The following DPP6 variants were observed in gnomAD, a reference collection of about 807,000 sequenced individuals.
The protein encoded by DPP6 is dipeptidyl peptidase like 6, also known as A-type potassium channel modulatory protein DPP6.
DPP6 carries 69 observed loss-of-function variants against 122.6 expected under a neutral mutation model. That is an observed-to-expected ratio of 0.56 (90% CI 0.46 to 0.69). The LOEUF (loss-of-function observed/expected upper bound fraction) is 0.69. DPP6 is among the 30% of genes least tolerant of loss of function. The pLI is 0.00. For missense variants in DPP6, 928 were observed against 1,116.9 expected (o/e 0.83, Z 2.41); for synonymous variants, 418 against 433.1 (o/e 0.97, Z 0.43).
At chr7:154,049,651 G>C (rs908904935), upstream of DPP6, among the ~76,000 whole-genome samples, 5 of 143,624 alleles carry the variant, frequency 3.5e-5, no homozygotes, top group African/African-American at 1.3e-4. Context: ...GCAGTGGCGC[G>C]ATCTCGGCTC....
At chr7:153,781,369 A>G in the DPP6 span, among the ~76,000 whole-genome samples, 2 of 152,206 alleles carry the variant, frequency 1.3e-5, no homozygotes, top group African/African-American at 4.8e-5. Context: ...TACGCAGAGC[A>G]GTTGCAGCAT....
At chr7:154,322,155 G>C (rs1375321634) in intron 1 of DPP6, among the ~76,000 whole-genome samples, 1 of 151,730 alleles carries the variant, frequency 6.6e-6, no homozygotes, top group East Asian at 2.0e-4. Context: ...GCCAGCCCTG[G>C]CTAAAGTTAT....
rs1289069589 is a variant in DPP6 at position 154,868,059 on chromosome 7, A to G, written c.1779A>G (p.Lys593=). Reference sequence around the variant, plus strand: ...CCATAAATGACCGACAGATGCCTAAAGTGGAATACAGGGACATTGAGATTG... The same window carrying G: ...CCATAAATGACCGACAGATGCCTAAGGTGGAATACAGGGACATTGAGATTG... ...KKAINDRQMP[K]VEYRDIEIDD... The change falls in exon 18 of 26, where the codon AAA becomes AAG. Residue 593 remains lysine, a synonymous_variant. Coordinates refer to ENST00000377770, the MANE Select transcript of DPP6 (RefSeq NM_130797.4). The G allele has an allele frequency of 1.2e-6, 2 of 1,609,230 alleles. No homozygotes were observed. The highest frequency in any genetic ancestry group is 1.7e-6 in the Non-Finnish European group (2 of 1,177,888).
intron 1 of DPP6, among the ~76,000 whole-genome samples, chr7:153,980,014 G>T (rs12533135): frequency 6.6e-6 from 1 of 152,046 alleles, no homozygotes; most frequent in Non-Finnish European, 1.5e-5. Flanking sequence ...TTCTTTTTTA[G>T]TTGTGTCTCT....
At chr7:154,705,512 G>A (rs1435907001) in intron 7 of DPP6, among the ~76,000 whole-genome samples, 3 of 152,216 alleles carry the variant, frequency 2.0e-5, no homozygotes, top group African/African-American at 7.2e-5. Context: ...AGGACCCAGA[G>A]GCAAGAAGCA....
intron 1 of DPP6, among the ~76,000 whole-genome samples, chr7:154,253,612 G>A (rs1802485049): frequency 6.6e-6 from 1 of 152,044 alleles, no homozygotes; most frequent in Non-Finnish European, 1.5e-5. Context: ...AACTTATATG[G>A]TATAAACCAT....
chr7:154,242,346 G>A lies in DPP6; in HGVS notation c.243+189283G>A, dbSNP rs77404165. Among the ~76,000 whole-genome samples the A allele has an allele frequency of 5.4e-3, 821 of 152,058 alleles. 5 individuals carry two copies. Among genetic ancestry groups the A allele is most frequent in the African/African-American group, 0.019 (787 of 41,510 alleles). On this transcript the variant is annotated intron_variant, in intron 1 of 25. Transcript: ENST00000377770. ...GATCAACTGACAGACTTTGTAGAAT[G>A]TAATCTCTGGTAACACTGACTTTAA...
intron 1 of DPP6, among the ~76,000 whole-genome samples, chr7:154,284,721 G>A (rs560237435): frequency 1.3e-5 from 2 of 152,168 alleles, no homozygotes; most frequent in Non-Finnish European, 2.9e-5. Flanking sequence ...CGGGCGTGGT[G>A]GTGTGCACCT....
At chr7:154,810,866 G>A (rs1172495863) in intron 16 of DPP6, among the ~76,000 whole-genome samples, 1 of 152,192 alleles carries the variant, frequency 6.6e-6, no homozygotes, top group African/African-American at 2.4e-5. Flanking sequence ...TCCTGCCAAT[G>A]CCTGGATCCC....
Position 154,623,641 on chromosome 7 carries a change from ACG to A in DPP6, c.628-14176_628-14175del, listed in dbSNP as rs1563025716. Among the ~76,000 whole-genome samples the A allele has an allele frequency of 3.3e-3, 309 of 93,400 alleles. 2 individuals are homozygous for A. The highest frequency in any genetic ancestry group is 9.1e-3 in the African/African-American group (241 of 26,624). The allele number at this position is 93,400 out of a possible 152,430, so 61.3% of individuals were successfully genotyped here. A position where few individuals can be genotyped will look rare whatever the true frequency, so the allele number is the denominator to read the frequency against. ...TACACGCGCACACATGCGTGCACAC[ACG>A]CGCACACACGCGCACACACACGCAC... On this transcript the variant is annotated intron_variant, in intron 5 of 25. Coordinates refer to ENST00000377770, the MANE Select transcript of DPP6 (RefSeq NM_130797.4).
intron 1 of DPP6, among the ~76,000 whole-genome samples, chr7:153,893,557 T>C (rs1799292914): frequency 6.6e-6 from 1 of 152,242 alleles, no homozygotes; most frequent in African/African-American, 2.4e-5. Flanking sequence ...CAAGTCCTAA[T>C]ACATCAGGTA....
At chr7:154,802,836 CAAAAA>C (rs537624311) in intron 13 of DPP6, among the ~76,000 whole-genome samples, 2 of 110,910 alleles carry the variant, frequency 1.8e-5, no homozygotes, top group Non-Finnish European at 2.0e-5. Context: ...GACACTGTCT[CAAAAA>C]AAAAAAAAAA....
At chr7:154,852,602 C>G (rs961409605) in intron 16 of DPP6, among the ~76,000 whole-genome samples, 2 of 152,100 alleles carry the variant, frequency 1.3e-5, no homozygotes, top group Non-Finnish European at 2.9e-5. Flanking sequence ...AACATCCAAT[C>G]GAGCACAACT....
chr7:154,106,062 A>C (rs190070343), intron 1 of DPP6, among the ~76,000 whole-genome samples: 3 of 151,872 alleles, frequency 2.0e-5, no homozygotes, highest in Admixed American at 2.0e-4. Context: ...GTGCCTGCCC[A>C]CTCCATCTCC....
chr7:154,433,148 T>TTTG (rs1818576012), intron 1 of DPP6, among the ~76,000 whole-genome samples: 2 of 130,292 alleles, frequency 1.5e-5, no homozygotes, highest in African/African-American at 6.1e-5. Flanking sequence ...TTTTTTTTTT[T>TTTG]TTTTTTTTTT....
chr7:154,793,945 C>T, intron 10 of DPP6, 134 bp from the exon 11 acceptor site: 2 of 1,380,652 alleles, frequency 1.4e-6, no homozygotes, highest in Non-Finnish European at 1.9e-6. Context: ...TTCAGAAGCT[C>T]GCAGGCTGGC....
At chr7:154,340,577 C>A (rs6464410) in intron 1 of DPP6, among the ~76,000 whole-genome samples, 27,241 of 152,080 alleles carry the variant, frequency 0.18, 4,695 homozygotes, top group African/African-American at 0.45. Context: ...AGTAGGGACC[C>A]AAACTGATCT....
At chr7:154,793,035 T>C (rs1797787626) in intron 10 of DPP6, among the ~76,000 whole-genome samples, 1 of 152,242 alleles carries the variant, frequency 6.6e-6, no homozygotes, top group South Asian at 2.1e-4. Flanking sequence ...CCTGGTTAAC[T>C]GAGGCTCCAG....
At chr7:153,824,189 G>A in the DPP6 span, among the ~76,000 whole-genome samples, 1 of 151,590 alleles carries the variant, frequency 6.6e-6, no homozygotes, top group East Asian at 2.0e-4. Flanking sequence ...AGGAGTTCGA[G>A]ACCAGCCTGG....
Sources: gnomAD v4.1 joint callset for allele counts (sites outside exome capture counted in the v4.1 genomes callset) on GRCh38, gnomAD v4.1.1 for gene constraint, MANE v1.5 for transcripts, NCBI Gene and HGNC (gene_info 2026-07-23, HGNC 2026-07-21) for gene names.